AGTPBP1: variants seen among roughly 807,000 people sequenced by gnomAD.
The protein encoded by AGTPBP1 is cytosolic carboxypeptidase 1.
In AGTPBP1, 70 loss-of-function variants were observed where a neutral mutation model predicts 143.9. The observed-to-expected ratio is 0.49, with a 90% confidence interval of 0.40 to 0.59. AGTPBP1 has a LOEUF of 0.59. AGTPBP1 is among the 20% of genes least tolerant of loss of function. The pLI is 0.00. For synonymous variants in AGTPBP1, 463 were observed against 500.2 expected (o/e 0.93, Z 0.99); for missense variants, 1,229 against 1,464.5 (o/e 0.84, Z 2.62).
the AGTPBP1 span, among the ~76,000 whole-genome samples, chr9:85,749,851 T>C: frequency 6.6e-6 from 1 of 150,982 alleles, no homozygotes; most frequent in Non-Finnish European, 1.5e-5. Flanking sequence ...TGGAGCAACA[T>C]GTGGAAGAGG....
intron 17 of AGTPBP1, among the ~76,000 whole-genome samples, chr9:85,603,983 G>A (rs774287554): frequency 2.0e-5 from 3 of 152,194 alleles, no homozygotes; most frequent in Non-Finnish European, 4.4e-5. Flanking sequence ...AGAACACCAA[G>A]TAGATTCCTA....
intron 13 of AGTPBP1, among the ~76,000 whole-genome samples, chr9:85,634,126 G>A (rs564042722): frequency 2.7e-5 from 4 of 150,368 alleles, no homozygotes; most frequent in Non-Finnish European, 5.9e-5. Flanking sequence ...CCCAGGAGGT[G>A]GAGGTTGCAG....
the AGTPBP1 span, among the ~76,000 whole-genome samples, chr9:85,751,471 T>G: frequency 5.5e-3 from 834 of 152,272 alleles, 15 homozygotes; most frequent in East Asian, 0.015. Context: ...CACTTTCAAT[T>G]GCGTACTTAT....
At chr9:85,781,196 G>T in the AGTPBP1 span, 11 of 1,481,408 alleles carry the variant, frequency 7.4e-6, no homozygotes, top group Non-Finnish European at 9.9e-6. Context: ...AATTTTTGTT[G>T]TATAGAACAA....
intron 24 of AGTPBP1, among the ~76,000 whole-genome samples, chr9:85,578,606 CACTT>C (rs1439086058): frequency 4.6e-5 from 7 of 152,166 alleles, no homozygotes; most frequent in East Asian, 3.9e-4. Context: ...TTTAAGGTAT[CACTT>C]ACACAGATTA....
intron 2 of AGTPBP1, among the ~76,000 whole-genome samples, chr9:85,703,362 A>C (rs1323045097): frequency 6.6e-6 from 1 of 152,244 alleles, no homozygotes; most frequent in Non-Finnish European, 1.5e-5. Flanking sequence ...AGGAATCAAG[A>C]GTAGAGGCAG....
chr9:85,606,640 G>T (rs756980396), intron 17 of AGTPBP1, among the ~76,000 whole-genome samples: 6 of 152,010 alleles, frequency 3.9e-5, no homozygotes, highest in African/African-American at 1.2e-4. Flanking sequence ...CAATAGCAAA[G>T]ATATGAATCA....
intron 1 of AGTPBP1, among the ~76,000 whole-genome samples, chr9:85,734,250 T>C (rs529629017): frequency 6.6e-6 from 1 of 152,042 alleles, no homozygotes; most frequent in African/African-American, 2.4e-5. Flanking sequence ...AGACTCCGTC[T>C]GAAACAAACA....
chr9:85,704,723 A>AT (rs549392916), intron 2 of AGTPBP1, among the ~76,000 whole-genome samples: 1 of 152,262 alleles, frequency 6.6e-6, no homozygotes, highest in South Asian at 2.1e-4. Flanking sequence ...GTTACCAGGC[A>AT]TGCACAGAAA....
intron 1 of AGTPBP1, among the ~76,000 whole-genome samples, chr9:85,737,703 T>C (rs535568321): frequency 6.6e-6 from 1 of 152,330 alleles, no homozygotes; most frequent in African/African-American, 2.4e-5. Context: ...ATAAGACCCA[T>C]TCAAAGTTCC....
chr9:85,767,025 T>C, the AGTPBP1 span, among the ~76,000 whole-genome samples: 2 of 147,250 alleles, frequency 1.4e-5, no homozygotes, highest in East Asian at 1.9e-4. Context: ...TTTTTTTTTT[T>C]GGTAAAATCC....
chr9:85,684,768 T>C (rs538029953), intron 3 of AGTPBP1, among the ~76,000 whole-genome samples: 1 of 152,306 alleles, frequency 6.6e-6, no homozygotes, highest in African/African-American at 2.4e-5. Flanking sequence ...TCTTTAAATA[T>C]AATCCTTCCC....
At chr9:85,571,438 A>G (rs1827455496) in intron 25 of AGTPBP1, among the ~76,000 whole-genome samples, 1 of 152,244 alleles carries the variant, frequency 6.6e-6, no homozygotes, top group South Asian at 2.1e-4. Context: ...AAAATAAACA[A>G]TGGCAGTAAT....
In AGTPBP1 at chr9:85,725,821, G is replaced by A. The variant is rs567208896; in HGVS notation, c.-33-13255C>T. On this transcript the variant is annotated intron_variant, in intron 1 of 25. Coordinates refer to ENST00000357081, the MANE Select transcript of AGTPBP1 (RefSeq NM_001330701.2). ...AGCACTTTGGGAGGCCAAGGCGGGCGAATCACCTGAAGTCAGGAGTTCGAG... is the reference window on the plus strand; with the variant it reads ...AGCACTTTGGGAGGCCAAGGCGGGCAAATCACCTGAAGTCAGGAGTTCGAG... Among the ~76,000 whole-genome samples the A allele has an allele frequency of 5.9e-5, 9 of 151,964 alleles. 1 individual carries two copies. Among genetic ancestry groups the A allele is most frequent in the African/African-American group, 1.7e-4 (7 of 41,488 alleles).
At chr9:85,682,136 C>G (rs1835222188) in intron 3 of AGTPBP1, among the ~76,000 whole-genome samples, 1 of 138,916 alleles carries the variant, frequency 7.2e-6, no homozygotes, top group Non-Finnish European at 1.5e-5. Context: ...GAGACCAGAT[C>G]ACCCAAATGA....
At chr9:85,558,008 A>G (rs1391585168) in intron 25 of AGTPBP1, among the ~76,000 whole-genome samples, 1 of 152,240 alleles carries the variant, frequency 6.6e-6, no homozygotes, top group Non-Finnish European at 1.5e-5. Context: ...AAATATCAAA[A>G]CATACCAAAT....
chr9:85,772,002 C>G, the AGTPBP1 span, among the ~76,000 whole-genome samples: 7 of 136,206 alleles, frequency 5.1e-5, no homozygotes, highest in African/African-American at 2.3e-4. Flanking sequence ...TTTTTTTTCC[C>G]TGAGATGGAG....
chr9:85,642,472 G>A (rs1832543206), intron 13 of AGTPBP1, among the ~76,000 whole-genome samples: 1 of 152,096 alleles, frequency 6.6e-6, no homozygotes, highest in South Asian at 2.1e-4. Flanking sequence ...GGGACTGCAG[G>A]AACGTGCCAC....
the AGTPBP1 span, among the ~76,000 whole-genome samples, chr9:85,783,210 G>A: frequency 6.6e-6 from 1 of 152,190 alleles, no homozygotes; most frequent in Non-Finnish European, 1.5e-5. Flanking sequence ...ACACTGTTCT[G>A]ACCAATTTAC....
Sources: gnomAD v4.1 joint callset for allele counts (sites outside exome capture counted in the v4.1 genomes callset) on GRCh38, gnomAD v4.1.1 for gene constraint, MANE v1.5 for transcripts, NCBI Gene and HGNC (gene_info 2026-07-23, HGNC 2026-07-21) for gene names.